The following GNAL variants were observed in gnomAD, a reference collection of about 807,000 sequenced individuals.
The protein encoded by GNAL is guanine nucleotide-binding protein G(olf) subunit alpha.
Under a neutral mutation model 55.1 loss-of-function variants are expected in GNAL, and 18 were observed. That is an observed-to-expected ratio of 0.33 (90% CI 0.23 to 0.48). The LOEUF (loss-of-function observed/expected upper bound fraction) is 0.48, where lower values mean the gene tolerates loss of function less well. Among genes scored for constraint, GNAL ranks in the 20% least tolerant of loss-of-function variants. GNAL has a pLI of 0.99. For synonymous variants in GNAL, 253 were observed against 237.0 expected, an observed-to-expected ratio of 1.07 and a Z score of -0.62; for missense variants, 412 against 614.1, an observed-to-expected ratio of 0.67 and a Z score of 3.48.
chr18:11,813,573 A>C (rs140440685), intron 4 of GNAL, among the ~76,000 whole-genome samples: 5 of 152,252 alleles, frequency 3.3e-5, no homozygotes, highest in African/African-American at 1.2e-4. Flanking sequence ...AGGAGAACAA[A>C]GTTGGAGAAG....
chr18:11,840,974 A>G (rs1350228199), intron 5 of GNAL, among the ~76,000 whole-genome samples: 1 of 151,518 alleles, frequency 6.6e-6, no homozygotes, highest in Non-Finnish European at 1.5e-5. Flanking sequence ...CCCAGGCTCA[A>G]GTGACCTCCC....
intron 4 of GNAL, among the ~76,000 whole-genome samples, chr18:11,766,793 G>A (rs1218078996): frequency 2.0e-5 from 3 of 152,192 alleles, no homozygotes; most frequent in Non-Finnish European, 4.4e-5. Flanking sequence ...TGAAATACTG[G>A]TGTTTTAAAG....
intron 1 of GNAL, among the ~76,000 whole-genome samples, chr18:11,735,951 G>A (rs982088186): frequency 2.0e-5 from 3 of 152,074 alleles, no homozygotes; most frequent in African/African-American, 7.2e-5. Context: ...CCCTCCCCCT[G>A]TTCATATACA....
intron 5 of GNAL, among the ~76,000 whole-genome samples, chr18:11,825,827 T>A (rs2035229262): frequency 6.6e-6 from 1 of 152,012 alleles, no homozygotes; most frequent in South Asian, 2.1e-4. Flanking sequence ...TTTTGCTATG[T>A]TAGATATATT....
intron 11 of GNAL, among the ~76,000 whole-genome samples, chr18:11,880,231 T>C (rs1020466639): frequency 7.3e-5 from 11 of 150,972 alleles, no homozygotes; most frequent in African/African-American, 2.2e-4. Context: ...CACTCCAGCC[T>C]GGGGGACACA....
chr18:11,750,309 A>G (rs1299945784), intron 1 of GNAL, among the ~76,000 whole-genome samples: 1 of 152,138 alleles, frequency 6.6e-6, no homozygotes, highest in African/African-American at 2.4e-5. Context: ...GGCAAGGTGA[A>G]TTCCAGACAC....
chr18:11,720,590 A>G (rs924686750), intron 1 of GNAL, among the ~76,000 whole-genome samples: 40 of 152,236 alleles, frequency 2.6e-4, no homozygotes, highest in African/African-American at 9.6e-4. Flanking sequence ...GAAGACATCT[A>G]TAAATTGTGT....
chr18:11,855,304 C>G (rs1204472488), intron 5 of GNAL, among the ~76,000 whole-genome samples: 1 of 152,150 alleles, frequency 6.6e-6, no homozygotes, highest in East Asian at 1.9e-4. Context: ...TTGAAACTTC[C>G]CTACACCAAA....
At chr18:11,790,715 G>A (rs2034211060) in intron 4 of GNAL, among the ~76,000 whole-genome samples, 1 of 143,062 alleles carries the variant, frequency 7.0e-6, no homozygotes, top group Non-Finnish European at 1.5e-5. Context: ...GGAGTGCAGT[G>A]GCACGATCTC....
intron 1 of GNAL, among the ~76,000 whole-genome samples, chr18:11,719,838 G>A (rs1229079734): frequency 3.3e-5 from 5 of 152,148 alleles, no homozygotes; most frequent in Admixed American, 1.3e-4. Flanking sequence ...GCAGAGCTGC[G>A]CTCGCACCAT....
chr18:11,760,650 G>A (rs1598435146), intron 4 of GNAL, among the ~76,000 whole-genome samples: 1 of 152,148 alleles, frequency 6.6e-6, no homozygotes, highest in South Asian at 2.1e-4. Context: ...TGGGCTTGGC[G>A]CTTCCCCTGG....
chr18:11,870,072 G>C (rs2855649), intron 9 of GNAL, among the ~76,000 whole-genome samples: 41,304 of 152,078 alleles, frequency 0.27, 6,499 homozygotes, highest in African/African-American at 0.44. Context: ...GATGTGCATG[G>C]TTTATATGCA....
At chr18:11,858,510 C>T (rs142476097) in intron 5 of GNAL, among the ~76,000 whole-genome samples, 59 of 152,094 alleles carry the variant, frequency 3.9e-4, no homozygotes, top group African/African-American at 1.4e-3. Context: ...TTTGGGAGAC[C>T]CCTTTAAAAT....
chr18:11,761,905 A>G (rs567948124), intron 4 of GNAL, among the ~76,000 whole-genome samples: 25 of 152,346 alleles, frequency 1.6e-4, no homozygotes, highest in African/African-American at 5.5e-4. Context: ...AAAATGCACA[A>G]TAATCTTTCT....
intron 1 of GNAL, among the ~76,000 whole-genome samples, chr18:11,707,878 C>G (rs1051258141): frequency 6.6e-6 from 1 of 152,200 alleles, no homozygotes; most frequent in Admixed American, 6.5e-5. Flanking sequence ...TTCCTTAGAC[C>G]TCATGAATCA....
chr18:11,884,322 G>T lies in GNAL; in HGVS notation c.*3187G>T, dbSNP rs1015365770. The T allele has an allele frequency of 1.1e-6, 1 of 906,554 alleles. No individual in the cohort carries two copies. The highest frequency in any genetic ancestry group is 1.7e-6 in the Non-Finnish European group (1 of 584,810). 56.2% of individuals were successfully genotyped at this position (906,554 alleles called of 1,614,324 possible). On this transcript the variant is annotated 3_prime_UTR_variant, in exon 12 of 12. Coordinates refer to ENST00000334049, the MANE Select transcript of GNAL (RefSeq NM_182978.4). ...TTTGCAGTTACTCATTTCAGTGATT[G>T]AGAATTTCTGTGCTGTGCAGAGAGA...
At chr18:11,819,819 G>T (rs7227259) in intron 4 of GNAL, among the ~76,000 whole-genome samples, 9,713 of 151,962 alleles carry the variant, frequency 0.064, 457 homozygotes, top group African/African-American at 0.13. Flanking sequence ...TTTTTAAAAT[G>T]TATGAGATCT....
chr18:11,805,016 A>G (rs1484970726), intron 4 of GNAL, among the ~76,000 whole-genome samples: 1 of 142,262 alleles, frequency 7.0e-6, no homozygotes, highest in African/African-American at 2.7e-5. Context: ...ATGCAGTTTG[A>G]ATGGAACATG....
chr18:11,860,819 G>A (rs777417924), intron 5 of GNAL, among the ~76,000 whole-genome samples: 2 of 152,160 alleles, frequency 1.3e-5, no homozygotes, highest in African/African-American at 2.4e-5. Context: ...GGGCAGGCAC[G>A]TTTCTTAGGG....
Sources: allele counts gnomAD v4.1 joint callset (sites outside exome capture counted in the v4.1 genomes callset), GRCh38; gene constraint gnomAD v4.1.1; transcripts MANE v1.5; gene names NCBI Gene and HGNC (gene_info 2026-07-23, HGNC 2026-07-21).